Variants in CNTN4 observed in about 807,000 individuals in gnomAD.
CNTN4 encodes the protein contactin 4.
A neutral mutation model predicts 122.5 loss-of-function variants in CNTN4; 77 were observed. The ratio of observed to expected loss-of-function variants is 0.63; its 90% CI spans 0.52 to 0.76. CNTN4 has a LOEUF of 0.76. Among genes scored for constraint, CNTN4 ranks in the 30% least tolerant of loss-of-function variants. CNTN4 has a pLI of 0.00. For synonymous variants in CNTN4, 512 were observed against 447.0 expected, an observed-to-expected ratio of 1.15 and a Z score of -1.83; for missense variants, 1,256 against 1,259.1, an observed-to-expected ratio of 1.00 and a Z score of 0.04.
chr3:2,510,630 A>G (rs960608432), intron 3 of CNTN4, among the ~76,000 whole-genome samples: 17 of 152,192 alleles, frequency 1.1e-4, no homozygotes, highest in Admixed American at 8.5e-4. Flanking sequence ...AACTAAGGTC[A>G]AATTTACATA....
intron 4 of CNTN4, among the ~76,000 whole-genome samples, chr3:2,586,923 GTTCTTTCTCCC>G (rs2080229718): frequency 6.6e-6 from 1 of 152,108 alleles, no homozygotes; most frequent in African/African-American, 2.4e-5. Context: ...ACTCTGGTAT[GTTCTTTCTCCC>G]TTCCTCCTTC....
chr3:2,927,250 T>A (rs775461312), intron 13 of CNTN4: 1 of 451,950 alleles, frequency 2.2e-6, no homozygotes, highest in South Asian at 1.6e-5. Context: ...CAAGCAACCC[T>A]GAGTTCTGGC....
At chr3:2,514,971 C>T (rs894726669) in intron 3 of CNTN4, among the ~76,000 whole-genome samples, 38 of 151,722 alleles carry the variant, frequency 2.5e-4, no homozygotes, top group Non-Finnish European at 5.3e-4. Context: ...TCTCCTTCTC[C>T]CTGTCTGTCC....
chr3:2,280,546 T>C (rs548503146), intron 2 of CNTN4, among the ~76,000 whole-genome samples: 1 of 152,252 alleles, frequency 6.6e-6, no homozygotes, highest in African/African-American at 2.4e-5. Context: ...ATGCAGACAG[T>C]CCAATTTCAG....
At chr3:3,031,755 G>A (rs963840548) in intron 16 of CNTN4, among the ~76,000 whole-genome samples, 3 of 152,108 alleles carry the variant, frequency 2.0e-5, no homozygotes, top group African/African-American at 7.2e-5. Context: ...GTTTTCTATA[G>A]CATTAAAATA....
intron 4 of CNTN4, among the ~76,000 whole-genome samples, chr3:2,621,938 A>G (rs891315603): frequency 6.6e-6 from 1 of 152,158 alleles, no homozygotes; most frequent in African/African-American, 2.4e-5. Flanking sequence ...ATGTGCTGTC[A>G]TGCTGCTTCT....
At chr3:2,927,362 T>C (rs189475718) in intron 13 of CNTN4, 395 of 455,036 alleles carry the variant, frequency 8.7e-4, no homozygotes, top group Non-Finnish European at 1.4e-3. Context: ...ACCAAGATGC[T>C]CTGGACGTTG....
chr3:2,884,123 G>A (rs778636156), intron 9 of CNTN4, among the ~76,000 whole-genome samples: 6 of 150,924 alleles, frequency 4.0e-5, no homozygotes, highest in Non-Finnish European at 7.4e-5. Flanking sequence ...TTTTTCGGTA[G>A]AGGCAGGATC....
At chr3:2,832,084 G>A (rs2093117989) in intron 7 of CNTN4, among the ~76,000 whole-genome samples, 1 of 152,180 alleles carries the variant, frequency 6.6e-6, no homozygotes. Context: ...TTGCTACCCT[G>A]AGAATTTGTT....
chr3:3,011,702 A>G (rs1697246664), intron 14 of CNTN4, among the ~76,000 whole-genome samples: 1 of 152,148 alleles, frequency 6.6e-6, no homozygotes, highest in African/African-American at 2.4e-5. Flanking sequence ...GCTTCCTTGT[A>G]AAGTCGAGGC....
chr3:2,907,739 A>G (rs1279961244), intron 12 of CNTN4, among the ~76,000 whole-genome samples: 1 of 152,166 alleles, frequency 6.6e-6, no homozygotes, highest in Non-Finnish European at 1.5e-5. Flanking sequence ...TAGGAAGCAT[A>G]TATTTAATAG....
intron 2 of CNTN4, among the ~76,000 whole-genome samples, chr3:2,145,031 A>C (rs1228741960): frequency 6.6e-6 from 1 of 152,218 alleles, no homozygotes; most frequent in African/African-American, 2.4e-5. Context: ...AGGTGGTCTC[A>C]ACAGAGTAGA....
At position 2,673,950 on chromosome 3, in the gene CNTN4, C is replaced by A. The variant is rs964853454; in HGVS notation, c.56-62265C>A. On this transcript the variant is annotated intron_variant, in intron 4 of 24. Coordinates refer to ENST00000418658, the MANE Select transcript of CNTN4 (RefSeq NM_175607.3). The stretch of plus-strand genomic sequence containing the variant: ...GTCTTGCCTACCAGAGGATGAGAGC[C>A]CATGTGGAAGAGGACAGAGGCAACC... 2.6e-5 allele frequency among the ~76,000 whole-genome samples: 4 copies of A among 152,142 alleles called. No individual in the cohort carries two copies. The East Asian group carries it at 7.7e-4, about 29-fold the overall frequency.
Position 2,428,393 on chromosome 3 carries a change from A to T in CNTN4, c.-89+89160A>T, listed in dbSNP as rs56215943. 3.4e-3 allele frequency among the ~76,000 whole-genome samples: 516 copies of T among 152,292 alleles called. 2 individuals carry two copies. Among genetic ancestry groups the T allele is most frequent in the African/African-American group, 0.011 (463 of 41,570 alleles). On this transcript the variant is annotated intron_variant, in intron 3 of 24. Coordinates refer to ENST00000418658, the MANE Select transcript of CNTN4 (RefSeq NM_175607.3). ...ATTCTTTGCTTTAAGAATGTTGAAT[A>T]TTGGCCCCCAACTCTCTTCTGGCTT...
chr3:2,369,448 G>T (rs146870048), intron 3 of CNTN4, among the ~76,000 whole-genome samples: 158 of 152,302 alleles, frequency 1.0e-3, no homozygotes, highest in African/African-American at 3.6e-3. Context: ...TTAAATGACA[G>T]ATATTGATAT....
intron 2 of CNTN4, among the ~76,000 whole-genome samples, chr3:2,311,806 G>A (rs1308467853): frequency 1.3e-5 from 2 of 152,056 alleles, no homozygotes; most frequent in Non-Finnish European, 2.9e-5. Context: ...ATGGGAAATG[G>A]TTGAATAGAA....
At chr3:2,699,148 A>C (rs1157571861) in intron 4 of CNTN4, among the ~76,000 whole-genome samples, 1 of 152,076 alleles carries the variant, frequency 6.6e-6, no homozygotes, top group Non-Finnish European at 1.5e-5. Context: ...AATGTCACCA[A>C]ATCTAATCAC....
intron 2 of CNTN4, among the ~76,000 whole-genome samples, chr3:2,146,538 T>A (rs1433050262): frequency 6.6e-6 from 1 of 152,178 alleles, no homozygotes; most frequent in Non-Finnish European, 1.5e-5. Flanking sequence ...TAGTTACCCT[T>A]ATTATAATCA....
intron 7 of CNTN4, among the ~76,000 whole-genome samples, chr3:2,862,364 T>C (rs2093679895): frequency 6.6e-6 from 1 of 152,218 alleles, no homozygotes. Context: ...CCATACATCA[T>C]TTGTTGTTGG....
Sources: gnomAD v4.1 joint callset for allele counts (sites outside exome capture counted in the v4.1 genomes callset) on GRCh38, gnomAD v4.1.1 for gene constraint, MANE v1.5 for transcripts, NCBI Gene and HGNC (gene_info 2026-07-23, HGNC 2026-07-21) for gene names.